SLC29A4: variants seen among roughly 807,000 people sequenced by gnomAD.
SLC29A4 encodes solute carrier family 29 member 4.
In SLC29A4, 36 loss-of-function variants were observed where a neutral mutation model predicts 43.9. The ratio of observed to expected loss-of-function variants is 0.82; its 90% CI spans 0.63 to 1.08. SLC29A4 has a LOEUF of 1.08. Among genes scored for constraint, SLC29A4 ranks in the 50% least tolerant of loss-of-function variants. The pLI, the probability that SLC29A4 is intolerant of heterozygous loss-of-function variation, is 0.00. For synonymous variants in SLC29A4, 491 were observed against 338.0 expected (o/e 1.45, Z -4.97); for missense variants, 869 against 755.3 (o/e 1.15, Z -1.77).
intron 2 of SLC29A4, 40 bp from the exon 3 acceptor site, chr7:5,290,692 G>A (rs543130242): frequency 9.7e-5 from 154 of 1,581,376 alleles, no homozygotes; most frequent in African/African-American, 9.0e-4. Flanking sequence ...GTAGCCATGC[G>A]TGGAGCGTGC....
At position 5,299,302 on chromosome 7, in the gene SLC29A4, GTGACC is replaced by G; in HGVS notation, c.1086_1090del (p.Thr363LeufsTer13). The stretch of plus-strand genomic sequence containing the variant: ...CTGGGCCGACATGCTCTCCATCGCC[GTGACC>G]TACTTCATCACGCTGTGCCTGTTCC... On this transcript the variant is annotated frameshift_variant, in exon 9 of 11. Coordinates refer to ENST00000396872, the MANE Select transcript of SLC29A4 (RefSeq NM_153247.4). LOFTEE classifies it high-confidence loss of function. 6.2e-7 allele frequency: 1 copy of G among 1,612,044 alleles called. No homozygotes were observed. The highest frequency in any genetic ancestry group is 8.5e-7 in the Non-Finnish European group (1 of 1,179,900).
rs755332633 is a variant in SLC29A4, at chr7:5,291,257, G to A, written c.415+20G>A. On this transcript the variant is annotated intron_variant, in intron 4 of 10. Coordinates refer to ENST00000396872, the MANE Select transcript of SLC29A4 (RefSeq NM_153247.4). Reference sequence around the variant, plus strand: ...CCGCAGGTGCGCTGGGCCCCGCCACGGGACACCTGCCTGTCATGGCTTCCA... The same window carrying A: ...CCGCAGGTGCGCTGGGCCCCGCCACAGGACACCTGCCTGTCATGGCTTCCA... 16 of 1,602,430 alleles carry A rather than the reference G, an allele frequency of 1.0e-5. No individual in the cohort carries two copies. The highest frequency in any genetic ancestry group is 2.2e-5 in the East Asian group (1 of 44,616).
chr7:5,287,085 C>T (rs760649126), intron 1 of SLC29A4, among the ~76,000 whole-genome samples: 8 of 152,356 alleles, frequency 5.3e-5, no homozygotes, highest in Non-Finnish European at 8.8e-5. Flanking sequence ...CCTCTGACCC[C>T]TTCTCCCTAG....
chr7:5,287,942 C>T lies in SLC29A4; in HGVS notation c.126C>T (p.Gly42=). The change falls in exon 2 of 11, where the codon GGC becomes GGT. Residue 42 remains glycine, a synonymous_variant. Coordinates refer to ENST00000396872, the MANE Select transcript of SLC29A4 (RefSeq NM_153247.4). The part of the protein sequence containing the change: ...QLEEAAEAAQ[G]QGLRARGVPA... ...AGGAGGCGGCGGAGGCGGCTCAGGG[C>T]CAGGGCCTTAGGGCCAGGGGCGTCC... The T allele has an allele frequency of 3.1e-6, 5 of 1,611,496 alleles. No individual in the cohort carries two copies. Among genetic ancestry groups the T allele is most frequent in the South Asian group, 1.1e-5 (1 of 90,952 alleles).
At chr7:5,301,216 C>T (rs1331221630) in intron 10 of SLC29A4, among the ~76,000 whole-genome samples, 5 of 149,948 alleles carry the variant, frequency 3.3e-5, no homozygotes, top group African/African-American at 4.9e-5. Flanking sequence ...GCTGTGATCA[C>T]GCCACTGCAC....
intron 2 of SLC29A4, among the ~76,000 whole-genome samples, chr7:5,289,782 C>T (rs576514438): frequency 6.6e-6 from 1 of 152,130 alleles, no homozygotes; most frequent in African/African-American, 2.4e-5. Flanking sequence ...GGTCATACCG[C>T]CACCGAGCAT....
At chr7:5,286,488 A>T (rs1280101386) in intron 1 of SLC29A4, among the ~76,000 whole-genome samples, 1 of 150,438 alleles carries the variant, frequency 6.6e-6, no homozygotes, top group African/African-American at 2.5e-5. Flanking sequence ...GCTCCACTGC[A>T]CTCCAGCCTG....
chr7:5,302,735 G>T, intron 10 of SLC29A4, 62 bp from the exon 11 acceptor site: 1 of 1,503,212 alleles, frequency 6.7e-7, no homozygotes, highest in Non-Finnish European at 9.0e-7. Context: ...TCACACCCGA[G>T]CAGCCGTGGC....
intron 5 of SLC29A4, among the ~76,000 whole-genome samples, chr7:5,294,080 C>T (rs1233241639): frequency 6.6e-6 from 1 of 151,338 alleles, no homozygotes; most frequent in Non-Finnish European, 1.5e-5. Context: ...CACTCCAGCC[C>T]AGACGACAGT....
chr7:5,286,667 C>G (rs1053368492), intron 1 of SLC29A4, among the ~76,000 whole-genome samples: 1 of 152,124 alleles, frequency 6.6e-6, no homozygotes, highest in African/African-American at 2.4e-5. Flanking sequence ...TCAGGGCTGG[C>G]AGATCCAAAT....
Position 5,291,571 on chromosome 7 carries a change from T to C in SLC29A4, c.416-122T>C, listed in dbSNP as rs548468574. ...CCCTGTTAGACTCGTAAAGCATCCC[T>C]GGCCCTCCTTAAAGGGGAAGGGCAG... is the stretch of plus-strand genomic sequence containing the variant. On this transcript the variant is annotated intron_variant, in intron 4 of 10. Coordinates refer to ENST00000396872, the MANE Select transcript of SLC29A4 (RefSeq NM_153247.4). 8.0e-5 allele frequency: 107 copies of C among 1,331,310 alleles called. No individual in the cohort carries two copies. The African/African-American group carries it at 1.4e-3, about 18-fold the overall frequency. 82.5% of individuals were successfully genotyped at this position (1,331,310 alleles called of 1,614,324 possible).
intron 9 of SLC29A4, among the ~76,000 whole-genome samples, chr7:5,300,172 C>T (rs1786036697): frequency 2.0e-5 from 3 of 152,134 alleles, no homozygotes; most frequent in East Asian, 1.9e-4. Flanking sequence ...TTTGAGGCTG[C>T]AGTGAGCCAC....
At chr7:5,285,648 G>A (rs1300200648) in intron 1 of SLC29A4, among the ~76,000 whole-genome samples, 1 of 152,200 alleles carries the variant, frequency 6.6e-6, no homozygotes, top group African/African-American at 2.4e-5. Flanking sequence ...CTGAGGCAGG[G>A]GAGCTGGAGG....
At chr7:5,290,178 C>T (rs1405733316) in intron 2 of SLC29A4, among the ~76,000 whole-genome samples, 2 of 151,950 alleles carry the variant, frequency 1.3e-5, no homozygotes, top group Non-Finnish European at 2.9e-5. Context: ...CTCAGCCTCC[C>T]GAGTAGCTGG....
chr7:5,303,401 G>T lies in SLC29A4; in HGVS notation c.*462G>T, dbSNP rs1786309843. Reference sequence around the variant, plus strand: ...CAGGGACCCCTCCTCATGAACTCTGGAGCCCTGAGAGGAGAGGGGCAGCCC... The same window carrying T: ...CAGGGACCCCTCCTCATGAACTCTGTAGCCCTGAGAGGAGAGGGGCAGCCC... On this transcript the variant is annotated 3_prime_UTR_variant, in exon 11 of 11. Coordinates refer to ENST00000396872, the MANE Select transcript of SLC29A4 (RefSeq NM_153247.4). 5.1e-6 allele frequency: 1 copy of T among 194,454 alleles called. No homozygotes were observed. The highest frequency in any genetic ancestry group is 9.6e-5 in the South Asian group (1 of 10,426). 12.0% of individuals were successfully genotyped at this position (194,454 alleles called of 1,614,324 possible).
chr7:5,287,913 C>A lies in SLC29A4; in HGVS notation c.97C>A (p.Leu33Met). The change falls in exon 2 of 11, where the codon CTG becomes ATG. Residue 33 changes from leucine to methionine, a missense_variant. Coordinates refer to ENST00000396872, the MANE Select transcript of SLC29A4 (RefSeq NM_153247.4). Reference protein sequence around the residue: ...VMSFTFDSHQLEEAAEAAQGQ... With the variant: ...VMSFTFDSHQMEEAAEAAQGQ... Reference sequence around the variant, plus strand: ...GAGCTTCACCTTCGACAGTCACCAGCTGGAGGAGGCGGCGGAGGCGGCTCA... The same window carrying A: ...GAGCTTCACCTTCGACAGTCACCAGATGGAGGAGGCGGCGGAGGCGGCTCA... 1.2e-6 allele frequency: 2 copies of A among 1,612,052 alleles called. No individual in the cohort carries two copies. The highest frequency in any genetic ancestry group is 1.7e-6 in the Non-Finnish European group (2 of 1,179,794).
rs2128094924 is a variant in SLC29A4, at chr7:5,306,143, C to CCAGCCGATGAGCT, written c.*3206_*3207insGCCGATGAGCTCA. 1 of 151,796 alleles carries CCAGCCGATGAGCT rather than the reference C, an allele frequency of 6.6e-6. No homozygotes were observed. The highest frequency in any genetic ancestry group is 1.9e-4 in the East Asian group (1 of 5,140). 9.4% of individuals were successfully genotyped at this position (151,796 alleles called of 1,614,324 possible). On this transcript the variant is annotated 3_prime_UTR_variant, in exon 11 of 11. Transcript: ENST00000396872. ...GGATTACAGGCGTGAGCCACCGTGC[C>CCAGCCGATGAGCT]CATCCAACTTAACTTTTAATTTTTT...
intron 5 of SLC29A4, 84 bp from the exon 6 acceptor site, chr7:5,294,776 A>G (rs1174513840): frequency 1.4e-6 from 2 of 1,422,344 alleles, no homozygotes; most frequent in African/African-American, 2.8e-5. Context: ...ACCCTCGTCC[A>G]CCAACACAGT....
rs1786544703 is a variant in SLC29A4, at chr7:5,306,788, A to G, written c.*3849A>G. ...GCCCCTGAAATAAACCACTCCAGAC[A>G]ATTTTATTTTTCCAATTAAATCTTT... On this transcript the variant is annotated 3_prime_UTR_variant, in exon 11 of 11. Coordinates refer to ENST00000396872, the MANE Select transcript of SLC29A4 (RefSeq NM_153247.4). 1 of 151,966 alleles carries G rather than the reference A, an allele frequency of 6.6e-6. No individual in the cohort carries two copies. Among genetic ancestry groups the G allele is most frequent in the Admixed American group, 6.6e-5 (1 of 15,266 alleles). The allele number at this position is 151,966 out of a possible 1,614,324, so 9.4% of individuals were successfully genotyped here.
Sources: allele counts gnomAD v4.1 joint callset (sites outside exome capture counted in the v4.1 genomes callset), GRCh38; gene constraint gnomAD v4.1.1; transcripts MANE v1.5; gene names NCBI Gene and HGNC (gene_info 2026-07-23, HGNC 2026-07-21).